The following FLYWCH1 variants were observed in gnomAD, a reference collection of about 807,000 sequenced individuals.
FLYWCH1 encodes the protein FLYWCH-type zinc finger-containing protein 1.
In FLYWCH1, 75 loss-of-function variants were observed where a neutral mutation model predicts 66.4. That is an observed-to-expected ratio of 1.13 (90% CI 0.94 to 1.37). FLYWCH1 has a LOEUF of 1.37. FLYWCH1 is among the 40% of genes most tolerant of loss of function. The pLI, the probability that FLYWCH1 is intolerant of heterozygous loss-of-function variation, is 0.00. For missense variants in FLYWCH1, 1,334 were observed against 1,001.8 expected (o/e 1.33, Z -4.48); for synonymous variants, 595 against 429.9 (o/e 1.38, Z -4.75).
rs780866899 is a variant in FLYWCH1, at chr16:2,933,414, C to T, written c.1081C>T (p.Gln361Ter). The change falls in exon 5 of 10, where the codon CAA becomes TAA. Residue 361 changes from glutamine (Q) to a stop codon, truncating the protein, a stop_gained. Transcript: ENST00000253928. LOFTEE classifies it high-confidence loss of function. ...GGCTGGGCAGGACGGCCCTGGGAGC[C>T]AAGTGGACACGCTGCTCCGAGGCGT... ...LQAGQDGPGS[Q>*]VDTLLRGVDS... 9.4e-6 allele frequency: 15 copies of T among 1,601,474 alleles called. No homozygotes were observed. The highest frequency in any genetic ancestry group is 1.7e-4 in the Middle Eastern group (1 of 6,036).
At chr16:2,921,539 A>T (rs965236839) in intron 2 of FLYWCH1, among the ~76,000 whole-genome samples, 2 of 151,376 alleles carry the variant, frequency 1.3e-5, no homozygotes, top group African/African-American at 4.9e-5. Flanking sequence ...TTACCAAAAT[A>T]TTTTTTTTTA....
intron 9 of FLYWCH1, among the ~76,000 whole-genome samples, chr16:2,945,598 G>A (rs1475448922): frequency 2.0e-5 from 3 of 146,698 alleles, no homozygotes; most frequent in Admixed American, 6.9e-5. Flanking sequence ...CACCGAGATC[G>A]TGCCACTGCT....
chr16:2,932,674 C>CACA (rs2070809104), intron 4 of FLYWCH1, among the ~76,000 whole-genome samples: 1 of 152,096 alleles, frequency 6.6e-6, no homozygotes, highest in African/African-American at 2.4e-5. Context: ...ATGTATTATA[C>CACA]CTTGTGTGTT....
chr16:2,947,311 C>T (rs1361951300), intron 9 of FLYWCH1, among the ~76,000 whole-genome samples: 1 of 152,114 alleles, frequency 6.6e-6, no homozygotes, highest in Non-Finnish European at 1.5e-5. Flanking sequence ...CTGCCTGGGG[C>T]AAGGGAAGCT....
At chr16:2,917,945 TC>T (rs2070230351) in intron 2 of FLYWCH1, among the ~76,000 whole-genome samples, 1 of 150,346 alleles carries the variant, frequency 6.7e-6, no homozygotes, top group African/African-American at 2.4e-5. Context: ...CAAGCAATTC[TC>T]CCTGCCTCAG....
At chr16:2,948,139 C>T (rs2151035206) in intron 9 of FLYWCH1, among the ~76,000 whole-genome samples, 1 of 152,252 alleles carries the variant, frequency 6.6e-6, no homozygotes, top group South Asian at 2.1e-4. Flanking sequence ...CGAATTGAAA[C>T]TTTTTGGAAG....
intron 3 of FLYWCH1, 139 bp downstream of exon 3, chr16:2,930,149 C>A: frequency 3.7e-6 from 3 of 803,906 alleles, no homozygotes; most frequent in Admixed American, 2.8e-5. Context: ...CTGAGCGTGT[C>A]CGAGGCTGGT....
Position 2,938,365 on chromosome 16 carries a change from G to A in FLYWCH1, c.1959G>A (p.Met653Ile). 6.3e-7 allele frequency: 1 copy of A among 1,589,956 alleles called. No homozygotes were observed. The change falls in exon 8 of 10, where the codon ATG (methionine) becomes ATA (isoleucine). Residue 653 changes from methionine (M) to isoleucine (I), a missense_variant. Physicochemically the swap from Met to Ile is conservative, Grantham distance 10 (BLOSUM62 1). Coordinates refer to ENST00000253928, the MANE Select transcript of FLYWCH1 (RefSeq NM_001308068.2). ...CCCAGGGCCACCGCATCATGGTCAT[G>A]CGCAGCCACTGCCATCAGCCTGACC... ...AITQGHRIMV[M>I]RSHCHQPDLA...
At chr16:2,923,829 C>T (rs771487106) in intron 2 of FLYWCH1, among the ~76,000 whole-genome samples, 4 of 151,834 alleles carry the variant, frequency 2.6e-5, no homozygotes, top group African/African-American at 2.4e-5. Context: ...CTTGAGGTCA[C>T]GAGTTCGAGA....
intron 6 of FLYWCH1, chr16:2,934,654 A>G (rs1292342517): frequency 2.2e-6 from 1 of 456,968 alleles, no homozygotes; most frequent in South Asian, 1.5e-5. Context: ...CGGATCCTGC[A>G]GCTTTTGGGT....
chr16:2,927,401 A>G (rs1396777453), intron 2 of FLYWCH1, among the ~76,000 whole-genome samples: 1 of 152,226 alleles, frequency 6.6e-6, no homozygotes, highest in Non-Finnish European at 1.5e-5. Flanking sequence ...TCACCATGAA[A>G]ATGTTAAAAG....
rs1253300280 is a variant in FLYWCH1 at position 2,950,372 on chromosome 16, C to G, written c.*1645C>G. 1 of 152,368 alleles carries G rather than the reference C, an allele frequency of 6.6e-6. No homozygotes were observed. The highest frequency in any genetic ancestry group is 6.5e-5 in the Admixed American group (1 of 15,294). The allele number at this position is 152,368 out of a possible 1,614,324, so 9.4% of individuals were successfully genotyped here. On this transcript the variant is annotated 3_prime_UTR_variant, in exon 10 of 10. Coordinates refer to ENST00000253928, the MANE Select transcript of FLYWCH1 (RefSeq NM_001308068.2). Reference sequence around the variant, plus strand: ...ACTGTGTGGTCCAAATGTGTACGCCCACAGGAGGCAGCCATGCCCGAGGAA... The same window carrying G: ...ACTGTGTGGTCCAAATGTGTACGCCGACAGGAGGCAGCCATGCCCGAGGAA...
chr16:2,937,499 C>G (rs1043049248), intron 7 of FLYWCH1, 115 bp downstream of exon 7: 4 of 1,265,478 alleles, frequency 3.2e-6, no homozygotes, highest in African/African-American at 1.6e-5. Context: ...GTCTGACAGC[C>G]GGGGCCATAA....
chr16:2,919,276 T>C (rs924177995), intron 2 of FLYWCH1, among the ~76,000 whole-genome samples: 5 of 151,554 alleles, frequency 3.3e-5, no homozygotes, highest in Admixed American at 1.3e-4. Flanking sequence ...GTTTCTTTTT[T>C]TTTTTTTGAG....
At chr16:2,942,002 A>G (rs1157677727) in intron 9 of FLYWCH1, among the ~76,000 whole-genome samples, 5 of 149,958 alleles carry the variant, frequency 3.3e-5, no homozygotes, top group African/African-American at 1.2e-4. Flanking sequence ...TCTCAAAAAA[A>G]AAAAAAAAAA....
At chr16:2,945,916 G>C (rs2071466169) in intron 9 of FLYWCH1, among the ~76,000 whole-genome samples, 2 of 151,930 alleles carry the variant, frequency 1.3e-5, no homozygotes, top group African/African-American at 4.8e-5. Flanking sequence ...AGAATGGCGT[G>C]AACCCGGGAG....
chr16:2,937,404 GGCTGGGTCT>G lies in FLYWCH1; in HGVS notation c.1777+23_1777+31del. The stretch of plus-strand genomic sequence containing the variant: ...GCCCAGGTGCGTGTGGAGGGTGCTG[GGCTGGGTCT>G]GCCTGGTCTCCCAGGACCTGTGCCC... On this transcript the variant is annotated intron_variant, in intron 7 of 9. Coordinates refer to ENST00000253928, the MANE Select transcript of FLYWCH1 (RefSeq NM_001308068.2). 1 of 1,516,014 alleles carries G rather than the reference GGCTGGGTCT, an allele frequency of 6.6e-7. No individual in the cohort carries two copies. Among genetic ancestry groups the G allele is most frequent in the South Asian group, 1.3e-5 (1 of 77,554 alleles). 93.9% of individuals were successfully genotyped at this position (1,516,014 alleles called of 1,614,324 possible).
chr16:2,924,222 C>G (rs946604179), intron 2 of FLYWCH1, among the ~76,000 whole-genome samples: 1 of 151,350 alleles, frequency 6.6e-6, no homozygotes, highest in African/African-American at 2.4e-5. Context: ...CCCAGCTCCT[C>G]GGGAGGCTGA....
At position 2,916,639 on chromosome 16, in the gene FLYWCH1, AAAAAC is replaced by A. The variant is rs956196878; in HGVS notation, c.-74+2365_-74+2369del. Among the ~76,000 whole-genome samples the A allele has an allele frequency of 9.9e-5, 15 of 152,128 alleles. 1 individual carries two copies. The South Asian group carries it at 1.0e-3, about 11-fold the overall frequency. On this transcript the variant is annotated intron_variant, in intron 2 of 9. Coordinates refer to ENST00000253928, the MANE Select transcript of FLYWCH1 (RefSeq NM_001308068.2). ...GTGACAGAGCGAGACTCCATCTCAA[AAAAAC>A]AAAACAAAACAAAAAATAAAAAAAA...
Sources: allele counts gnomAD v4.1 joint callset (sites outside exome capture counted in the v4.1 genomes callset), GRCh38; gene constraint gnomAD v4.1.1; transcripts MANE v1.5; gene names NCBI Gene and HGNC (gene_info 2026-07-23, HGNC 2026-07-21).